AEBP1: variants seen among roughly 807,000 people sequenced by gnomAD.
The protein encoded by AEBP1 is adipocyte enhancer-binding protein 1.
Under a neutral mutation model 116.5 loss-of-function variants are expected in AEBP1, and 69 were observed. The observed-to-expected ratio is 0.59, with a 90% CI of 0.49 to 0.72. The LOEUF (loss-of-function observed/expected upper bound fraction) is 0.72, where lower values mean the gene tolerates loss of function less well. Ranked by LOEUF, AEBP1 falls within the 30% of genes least tolerant of loss-of-function variation. The pLI, the probability that AEBP1 is intolerant of heterozygous loss-of-function variation, is 0.00. For synonymous variants in AEBP1, 627 were observed against 627.3 expected (o/e 1.00, Z 0.01); for missense variants, 1,444 against 1,557.5 (o/e 0.93, Z 1.23).
chr7:44,106,161 A>G, intron 1 of AEBP1: 2 of 476,122 alleles, frequency 4.2e-6, no homozygotes, highest in Non-Finnish European at 8.3e-6. Flanking sequence ...AGGGATGACC[A>G]GATGCTCCTC....
In AEBP1 at chr7:44,114,181, A is replaced by AGG; in HGVS notation, c.3397_3398insGG (p.Lys1133ArgfsTer6). ...GTTTGAGGAAGAGGAGGAGGAGGAG[A>AGG]AAGAGGAGGAGATAGCCACTGGCCA... On this transcript the variant is annotated frameshift_variant, in exon 21 of 21. Coordinates refer to ENST00000223357, the MANE Select transcript of AEBP1 (RefSeq NM_001129.5). LOFTEE classifies it low-confidence loss of function (END_TRUNC). 3.7e-6 allele frequency: 6 copies of AGG among 1,607,746 alleles called. No individual in the cohort carries two copies. Among genetic ancestry groups the AGG allele is most frequent in the South Asian group, 2.2e-5 (2 of 90,986 alleles).
At chr7:44,109,748 C>T (rs2096226896) in intron 9 of AEBP1, 5 of 576,412 alleles carry the variant, frequency 8.7e-6, no homozygotes, top group Non-Finnish European at 1.6e-5. Flanking sequence ...CCCCTGAGAG[C>T]TGGGCATGGT....
Position 44,108,128 on chromosome 7 carries a change from G to C in AEBP1, c.940+44G>C, listed in dbSNP as rs1236397787. 1.3e-6 allele frequency: 2 copies of C among 1,550,910 alleles called. No individual in the cohort carries two copies. Among genetic ancestry groups the C allele is most frequent in the Non-Finnish European group, 1.7e-6 (2 of 1,145,770 alleles). On this transcript the variant is annotated intron_variant, in intron 6 of 20. Transcript: ENST00000223357. This position sits in a 1 kb window ranked among gnomAD's most constrained non-coding sequence, Gnocchi z 5.0. The stretch of plus-strand genomic sequence containing the variant: ...AGAGTCTGAGGGACATAGGCAGGTG[G>C]GGGTCGGGGCTGGGGTGTGGTCAGG...
Position 44,113,166 on chromosome 7 carries a change from C to T in AEBP1, c.2709+36C>T. The T allele has an allele frequency of 6.2e-7, 1 of 1,613,364 alleles. No homozygotes were observed. Among genetic ancestry groups the T allele is most frequent in the South Asian group, 1.1e-5 (1 of 91,054 alleles). On this transcript the variant is annotated intron_variant, in intron 19 of 20. Coordinates refer to ENST00000223357, the MANE Select transcript of AEBP1 (RefSeq NM_001129.5). The surrounding 1 kb of genome is among the most constrained non-coding windows in gnomAD (Gnocchi z 5.3). ...TAGGGCAATGCCTGGGGAGAGGAGG[C>T]TGCACAGGCTCCTGGATGGGCGGGA...
Position 44,107,633 on chromosome 7 carries a change from G to T in AEBP1, c.672G>T (p.Pro224=). ...CTACCAGCGCTTTCCCCTCAGAGCC[G>T]GAGGAGGAGACCGAGCAACCCACAC... is the stretch of plus-strand genomic sequence containing the variant. ...HVEAREHQPE[P]EEETEQPTLD... is the part of the protein sequence containing the mutation. Residue 224 remains proline (P), a synonymous_variant, in exon 4 of 21, where the codon CCG becomes CCT. Coordinates refer to ENST00000223357, the MANE Select transcript of AEBP1 (RefSeq NM_001129.5). The surrounding 1 kb of genome is among the most constrained non-coding windows in gnomAD (Gnocchi z 4.3). The T allele has an allele frequency of 6.2e-7, 1 of 1,613,644 alleles. No individual in the cohort carries two copies.
At position 44,112,450 on chromosome 7, in the gene AEBP1, A is replaced by G; in HGVS notation, c.2218-108A>G. 1 of 1,389,200 alleles carries G rather than the reference A, an allele frequency of 7.2e-7. No homozygotes were observed. Among genetic ancestry groups the G allele is most frequent in the Non-Finnish European group, 9.7e-7 (1 of 1,029,294 alleles). The allele number at this position is 1,389,200 out of a possible 1,614,324, so 86.1% of individuals were successfully genotyped here. A position where few individuals can be genotyped will look rare whatever the true frequency, so the allele number is the denominator to read the frequency against. On this transcript the variant is annotated intron_variant, in intron 17 of 20. Coordinates refer to ENST00000223357, the MANE Select transcript of AEBP1 (RefSeq NM_001129.5). The surrounding 1 kb of genome is among the most constrained non-coding windows in gnomAD (Gnocchi z 6.6). ...GCTGAGGCTCTGGGGGTTGGGGGACAGGGGATCGTGCGAGTACTGGTGTGA... is the reference window on the plus strand; with the variant it reads ...GCTGAGGCTCTGGGGGTTGGGGGACGGGGGATCGTGCGAGTACTGGTGTGA...
Position 44,104,433 on chromosome 7 carries a change from A to C in AEBP1, c.-233A>C. 3 of 356,296 alleles carry C rather than the reference A, an allele frequency of 8.4e-6. No individual in the cohort carries two copies. Among genetic ancestry groups the C allele is most frequent in the Non-Finnish European group, 9.9e-6 (2 of 201,262 alleles). The allele number at this position is 356,296 out of a possible 1,614,324, so 22.1% of individuals were successfully genotyped here. A position where few individuals can be genotyped will look rare whatever the true frequency, so the allele number is the denominator to read the frequency against. On this transcript the variant is annotated 5_prime_UTR_variant, in exon 1 of 21. Coordinates refer to ENST00000223357, the MANE Select transcript of AEBP1 (RefSeq NM_001129.5). ...GCCGCCAGGACCTCGGAGCGCCCCG[A>C]CCACCCCTGAGCCCCTCTGGCTTCG...
In AEBP1 at chr7:44,114,056, C is replaced by G. The variant is rs928573843; in HGVS notation, c.3272C>G (p.Thr1091Arg). The change falls in exon 21 of 21, where the codon ACA becomes AGA. Residue 1091 changes from threonine to arginine, a missense_variant. Physicochemically the swap from Thr to Arg is moderately conservative, Grantham distance 71. Transcript: ENST00000223357. ...SETETYTEVV[T>R]EFGTEVEPEF... ...ACTGAGACCTACACAGAGGTGGTGA[C>G]AGAGTTTGGGACCGAGGTGGAGCCC... 6.2e-7 allele frequency: 1 copy of G among 1,614,140 alleles called. No individual in the cohort carries two copies. The highest frequency in any genetic ancestry group is 8.5e-7 in the Non-Finnish European group (1 of 1,180,028).
rs768112145 is a variant in AEBP1 at position 44,113,245 on chromosome 7, TCCCTA to T, written c.2710-6_2710-2del. ...TGAGGACCAGCAGCCCTCACCTGCT[TCCCTA>T]GGTGCACCGCGGCATTAAGGGGGTG... On this transcript the variant is annotated splice_acceptor_variant and splice_polypyrimidine_tract_variant and intron_variant, in intron 19 of 20. Transcript: ENST00000223357. LOFTEE classifies it high-confidence loss of function. The surrounding 1 kb of genome is among the most constrained non-coding windows in gnomAD (Gnocchi z 5.3). 4 of 1,613,424 alleles carry T rather than the reference TCCCTA, an allele frequency of 2.5e-6. No homozygotes were observed. In the East Asian group the frequency reaches 8.9e-5, roughly 36 times the overall value.
chr7:44,111,477 T>C lies in AEBP1; in HGVS notation c.1717-30T>C, dbSNP rs1198430090. The C allele has an allele frequency of 1.3e-6, 2 of 1,554,810 alleles. No homozygotes were observed. The highest frequency in any genetic ancestry group is 1.9e-5 in the Admixed American group (1 of 51,466). On this transcript the variant is annotated intron_variant, in intron 14 of 20. Transcript: ENST00000223357. This position sits in a 1 kb window ranked among gnomAD's most constrained non-coding sequence, Gnocchi z 4.7. ...GGTCAGCGGGGGACGGATTGCATGA[T>C]TGATTCCACGTCCTCCCCCTCTGCC... is the stretch of plus-strand genomic sequence containing the variant.
rs2096225745 is a variant in AEBP1 at position 44,108,862 on chromosome 7, G to A, written c.941-37G>A. 1 of 1,543,334 alleles carries A rather than the reference G, an allele frequency of 6.5e-7. No individual in the cohort carries two copies. The highest frequency in any genetic ancestry group is 1.4e-5 in the African/African-American group (1 of 72,912). ...CCCAGGAGCTGAGGCCCCGCAGCAG[G>A]GTCAGGGCAGCCTCAGCTGGCTCTC... On this transcript the variant is annotated intron_variant, in intron 6 of 20. Coordinates refer to ENST00000223357, the MANE Select transcript of AEBP1 (RefSeq NM_001129.5). The surrounding 1 kb of genome is among the most constrained non-coding windows in gnomAD (Gnocchi z 5.0).
At chr7:44,105,773 T>A (rs1437792010) in intron 1 of AEBP1, among the ~76,000 whole-genome samples, 3 of 152,162 alleles carry the variant, frequency 2.0e-5, no homozygotes, top group Non-Finnish European at 4.4e-5. Context: ...TTCCTGTGTT[T>A]CTGCCAAACT....
chr7:44,110,848 G>C (rs1435293718), intron 12 of AEBP1, 39 bp downstream of exon 12: 2 of 1,609,592 alleles, frequency 1.2e-6, no homozygotes, highest in Middle Eastern at 3.3e-4. Context: ...TGCTCCCATT[G>C]TCTGGGCGAG....
chr7:44,111,436 G>A lies in AEBP1; in HGVS notation c.1717-71G>A, dbSNP rs1583553787. ...GTCCCTCGCCATAGAGCAGGCCCTGGAAGTGGAAGGGGCATGGTCAGCGGG... is the reference window on the plus strand; with the variant it reads ...GTCCCTCGCCATAGAGCAGGCCCTGAAAGTGGAAGGGGCATGGTCAGCGGG... On this transcript the variant is annotated intron_variant, in intron 14 of 20. Transcript: ENST00000223357. This position sits in a 1 kb window ranked among gnomAD's most constrained non-coding sequence, Gnocchi z 4.7. 1 of 1,510,898 alleles carries A rather than the reference G, an allele frequency of 6.6e-7. No homozygotes were observed. The highest frequency in any genetic ancestry group is 2.3e-5 in the East Asian group (1 of 43,076). 93.6% of individuals were successfully genotyped at this position (1,510,898 alleles called of 1,614,324 possible). A position where few individuals can be genotyped will look rare whatever the true frequency, so the allele number is the denominator to read the frequency against.
In AEBP1 at chr7:44,110,164, G is replaced by A. The variant is rs532407383; in HGVS notation, c.1260+40G>A. ...GGGCCCATCTCCCAACTGGGATAAGGGACTCCTCCGCCCATGCTCAGCCTC... is the reference window on the plus strand; with the variant it reads ...GGGCCCATCTCCCAACTGGGATAAGAGACTCCTCCGCCCATGCTCAGCCTC... On this transcript the variant is annotated intron_variant, in intron 10 of 20. Coordinates refer to ENST00000223357, the MANE Select transcript of AEBP1 (RefSeq NM_001129.5). 1.2e-5 allele frequency: 19 copies of A among 1,613,212 alleles called. 1 individual carries two copies. In the East Asian group the frequency reaches 4.0e-4, roughly 34 times the overall value.
chr7:44,111,304 G>C lies in AEBP1; in HGVS notation c.1716+65G>C. 6.9e-7 allele frequency: 1 copy of C among 1,447,950 alleles called. No homozygotes were observed. 89.7% of individuals were successfully genotyped at this position (1,447,950 alleles called of 1,614,324 possible). A position where few individuals can be genotyped will look rare whatever the true frequency, so the allele number is the denominator to read the frequency against. ...CTGTGGCTGACGGGAGTGTGTGCCT[G>C]GTGCTTCTGTCACTGGGCCCAGTCC... On this transcript the variant is annotated intron_variant, in intron 14 of 20. Transcript: ENST00000223357. The surrounding 1 kb of genome is among the most constrained non-coding windows in gnomAD (Gnocchi z 4.7).
chr7:44,109,354 C>G lies in AEBP1; in HGVS notation c.1150+13C>G. On this transcript the variant is annotated intron_variant, in intron 9 of 20. Transcript: ENST00000223357. ...ACGGAGAAAGTCAGTAAGTGGGGGG[C>G]ACAAGGGGGTGAGGGTGGGGGCCAC... The G allele has an allele frequency of 6.7e-7, 1 of 1,496,182 alleles. No individual in the cohort carries two copies. Among genetic ancestry groups the G allele is most frequent in the South Asian group, 1.4e-5 (1 of 73,802 alleles). 92.7% of individuals were successfully genotyped at this position (1,496,182 alleles called of 1,614,324 possible).
rs892719889 is a variant in AEBP1, at chr7:44,108,819, C to T, written c.941-80C>T. The T allele has an allele frequency of 1.2e-5, 16 of 1,362,064 alleles. No homozygotes were observed. Among genetic ancestry groups the T allele is most frequent in the Non-Finnish European group, 1.6e-5 (16 of 978,994 alleles). The allele number at this position is 1,362,064 out of a possible 1,614,324, so 84.4% of individuals were successfully genotyped here. ...TCCTCCCCTCTGGCGCGGTCCTGTC[C>T]TGCTGAGCTCCTGTGGACCCAGGAG... On this transcript the variant is annotated intron_variant, in intron 6 of 20. Transcript: ENST00000223357. The surrounding 1 kb of genome is among the most constrained non-coding windows in gnomAD (Gnocchi z 5.0).
In AEBP1 at chr7:44,104,588, C is replaced by G; in HGVS notation, c.-78C>G. On this transcript the variant is annotated 5_prime_UTR_variant, in exon 1 of 21. Coordinates refer to ENST00000223357, the MANE Select transcript of AEBP1 (RefSeq NM_001129.5). Reference sequence around the variant, plus strand: ...TGGATTCCCTCACCCGTCTCGATCCCCTCTCCGCCCTTTCCCAGAGACCCA... The same window carrying G: ...TGGATTCCCTCACCCGTCTCGATCCGCTCTCCGCCCTTTCCCAGAGACCCA... 9.9e-7 allele frequency: 1 copy of G among 1,009,604 alleles called. No homozygotes were observed. Among genetic ancestry groups the G allele is most frequent in the Non-Finnish European group, 1.4e-6 (1 of 738,472 alleles). The allele number at this position is 1,009,604 out of a possible 1,614,324, so 62.5% of individuals were successfully genotyped here.
Sources: allele counts gnomAD v4.1 joint callset (sites outside exome capture counted in the v4.1 genomes callset), GRCh38; gene constraint gnomAD v4.1.1; non-coding constraint Gnocchi (gnomAD v3.1); transcripts MANE v1.5; gene names NCBI Gene and HGNC (gene_info 2026-07-23, HGNC 2026-07-21).